THRB: variants seen among roughly 807,000 people sequenced by gnomAD.
THRB encodes the protein nuclear receptor subfamily 1 group A member 2.
A neutral mutation model predicts 47.8 loss-of-function variants in THRB; 12 were observed. The ratio of observed to expected loss-of-function variants is 0.25; its 90% confidence interval spans 0.16 to 0.41. The LOEUF is 0.41. THRB is among the 10% of genes least tolerant of loss of function. The probability of loss-of-function intolerance (pLI) is 1.00; values close to 1 mark genes in which losing one functional copy is unlikely to be tolerated. For synonymous variants in THRB, 218 were observed against 212.2 expected (o/e 1.03, Z -0.24); for missense variants, 348 against 589.2 (o/e 0.59, Z 4.24).
intron 5 of THRB, among the ~76,000 whole-genome samples, chr3:24,159,721 C>T (rs1463398511): frequency 7.0e-6 from 1 of 143,702 alleles, no homozygotes; most frequent in East Asian, 2.0e-4. Context: ...TTGGTTGCCA[C>T]AACTGCTGTG....
chr3:24,449,331 T>C (rs2072415450), intron 1 of THRB, among the ~76,000 whole-genome samples: 1 of 152,168 alleles, frequency 6.6e-6, no homozygotes, highest in Admixed American at 6.5e-5. Flanking sequence ...TTCATATTAA[T>C]ATTCAATATG....
At chr3:24,281,841 C>T (rs1221895178) in intron 3 of THRB, among the ~76,000 whole-genome samples, 1 of 151,170 alleles carries the variant, frequency 6.6e-6, no homozygotes, top group Non-Finnish European at 1.5e-5. Flanking sequence ...ACAAAGAAGG[C>T]CATTATTTAA....
intron 3 of THRB, among the ~76,000 whole-genome samples, chr3:24,263,670 G>C (rs1457856608): frequency 6.7e-6 from 1 of 149,744 alleles, no homozygotes. Flanking sequence ...GGCCTAGACA[G>C]AGTGGGCACT....
At chr3:24,236,719 G>A (rs2048913163) in intron 3 of THRB, among the ~76,000 whole-genome samples, 1 of 152,102 alleles carries the variant, frequency 6.6e-6, no homozygotes, top group African/African-American at 2.4e-5. Flanking sequence ...TCCCTTTCAA[G>A]GTTACTTTGC....
intron 1 of THRB, among the ~76,000 whole-genome samples, chr3:24,409,423 A>C (rs1377261041): frequency 6.6e-6 from 1 of 151,862 alleles, no homozygotes; most frequent in Non-Finnish European, 1.5e-5. Flanking sequence ...GCAATATAGC[A>C]TAGCAGTTAA....
chr3:24,412,085 G>GT (rs2068355831), intron 1 of THRB, among the ~76,000 whole-genome samples: 1 of 151,790 alleles, frequency 6.6e-6, no homozygotes, highest in Non-Finnish European at 1.5e-5. Flanking sequence ...TCCATTATGA[G>GT]TTATTAAAAA....
At chr3:24,489,124 T>C (rs1254085689) in intron 1 of THRB, among the ~76,000 whole-genome samples, 1 of 151,918 alleles carries the variant, frequency 6.6e-6, no homozygotes, top group Non-Finnish European at 1.5e-5. Flanking sequence ...TGTGGTGGCA[T>C]GTGCCTGTAA....
chr3:24,308,240 TAG>T (rs1430513614), intron 2 of THRB, among the ~76,000 whole-genome samples: 1 of 152,078 alleles, frequency 6.6e-6, no homozygotes, highest in East Asian at 1.9e-4. Context: ...CTAAGGGAGA[TAG>T]AGTGTATTAA....
chr3:24,137,242 T>TTGAG (rs2034796987), intron 8 of THRB, among the ~76,000 whole-genome samples: 1 of 152,162 alleles, frequency 6.6e-6, no homozygotes, highest in African/African-American at 2.4e-5. Flanking sequence ...TGCTTATTGG[T>TTGAG]TGAGTGAGTG....
At chr3:24,420,388 C>T (rs1238479136) in intron 1 of THRB, among the ~76,000 whole-genome samples, 7 of 151,894 alleles carry the variant, frequency 4.6e-5, no homozygotes, top group Admixed American at 1.3e-4. Flanking sequence ...GCTCTCTAAT[C>T]TTCTCTGTGG....
intron 4 of THRB, among the ~76,000 whole-genome samples, chr3:24,196,309 C>T (rs552015327): frequency 2.0e-4 from 30 of 152,008 alleles, no homozygotes; most frequent in Middle Eastern, 3.4e-3. Context: ...TTCTTGGTAG[C>T]CTCGTGAGAG....
intron 5 of THRB, among the ~76,000 whole-genome samples, chr3:24,168,538 C>T (rs980032908): frequency 5.0e-5 from 7 of 141,192 alleles, no homozygotes; most frequent in Admixed American, 2.8e-4. Context: ...ATAGAAAGTC[C>T]GCTTTAATAA....
chr3:24,130,063 G>A (rs961600871), intron 9 of THRB, among the ~76,000 whole-genome samples: 2 of 152,134 alleles, frequency 1.3e-5, no homozygotes, highest in African/African-American at 2.4e-5. Flanking sequence ...CACCTCTTTT[G>A]GGTTTGAGAG....
At chr3:24,320,455 T>C (rs1454548389) in intron 2 of THRB, among the ~76,000 whole-genome samples, 1 of 152,158 alleles carries the variant, frequency 6.6e-6, no homozygotes, top group African/African-American at 2.4e-5. Context: ...GGACTGTCCT[T>C]GTTCTGAATG....
Position 24,287,104 on chromosome 3 carries a change from A to G in THRB, c.-43+10122T>C, listed in dbSNP as rs758767910. Among the ~76,000 whole-genome samples the G allele has an allele frequency of 5.9e-5, 9 of 152,186 alleles. No individual in the cohort carries two copies. The South Asian group carries it at 1.0e-3, about 17-fold the overall frequency. On this transcript the variant is annotated intron_variant, in intron 3 of 10. Coordinates refer to ENST00000646209, the MANE Select transcript of THRB (RefSeq NM_001354712.2). ...GCTTTTGCAGAGTTTCAGAATATCTACCACCACTTGCAGACCCAATGCAGT... is the reference window on the plus strand; with the variant it reads ...GCTTTTGCAGAGTTTCAGAATATCTGCCACCACTTGCAGACCCAATGCAGT...
intron 3 of THRB, among the ~76,000 whole-genome samples, chr3:24,284,887 A>G (rs2055082784): frequency 6.6e-6 from 1 of 152,218 alleles, no homozygotes; most frequent in South Asian, 2.1e-4. Flanking sequence ...AAGAGATACC[A>G]TTTCACACCA....
intron 1 of THRB, among the ~76,000 whole-genome samples, chr3:24,406,914 A>G (rs1292701842): frequency 6.6e-6 from 1 of 151,886 alleles, no homozygotes; most frequent in Non-Finnish European, 1.5e-5. Context: ...GTAAAAGAAT[A>G]AGGTTCTCCT....
chr3:24,413,407 T>C (rs2068475371), intron 1 of THRB, among the ~76,000 whole-genome samples: 1 of 151,646 alleles, frequency 6.6e-6, no homozygotes, highest in South Asian at 2.1e-4. Flanking sequence ...TCTTTGGGGA[T>C]TAAAAAAAGG....
At chr3:24,169,509 C>G (rs1005502202) in intron 5 of THRB, among the ~76,000 whole-genome samples, 1 of 151,768 alleles carries the variant, frequency 6.6e-6, no homozygotes, top group Non-Finnish European at 1.5e-5. Flanking sequence ...CTTTTTTTCT[C>G]GAGACAGAAA....
Sources: gnomAD v4.1 joint callset for allele counts (sites outside exome capture counted in the v4.1 genomes callset) on GRCh38, gnomAD v4.1.1 for gene constraint, MANE v1.5 for transcripts, NCBI Gene and HGNC (gene_info 2026-07-23, HGNC 2026-07-21) for gene names.